GRM7: variants seen among roughly 807,000 people sequenced by gnomAD.
GRM7 encodes glutamate metabotropic receptor 7.
GRM7 carries 35 observed loss-of-function variants against 84.5 expected under a neutral mutation model. The observed-to-expected ratio is 0.41, with a 90% confidence interval of 0.32 to 0.55. The LOEUF (loss-of-function observed/expected upper bound fraction) is 0.55. Ranked by LOEUF, GRM7 falls within the 20% of genes least tolerant of loss-of-function variation. The pLI is 0.19. For missense variants in GRM7, 1,003 were observed against 1,194.6 expected (o/e 0.84, Z 2.36); for synonymous variants, 487 against 455.1 (o/e 1.07, Z -0.89).
intron 4 of GRM7, among the ~76,000 whole-genome samples, chr3:7,412,092 G>T (rs1422170670): frequency 6.9e-6 from 1 of 145,072 alleles, no homozygotes; most frequent in African/African-American, 2.6e-5. Flanking sequence ...TTTATTAATT[G>T]CTTCATTCAC....
chr3:7,399,426 T>A (rs1200604996), intron 4 of GRM7, among the ~76,000 whole-genome samples: 1 of 152,132 alleles, frequency 6.6e-6, no homozygotes, highest in East Asian at 1.9e-4. Context: ...GCCCAGGCTC[T>A]GGAGCCAAAG....
chr3:6,924,382 G>T (rs1001851680), intron 1 of GRM7, among the ~76,000 whole-genome samples: 2 of 152,122 alleles, frequency 1.3e-5, no homozygotes, highest in Non-Finnish European at 2.9e-5. Context: ...AATTTCAGTA[G>T]TTCTTAACTT....
chr3:6,886,845 A>G (rs1337318719), intron 1 of GRM7, among the ~76,000 whole-genome samples: 3 of 151,994 alleles, frequency 2.0e-5, no homozygotes, highest in South Asian at 2.1e-4. Flanking sequence ...CTTTGTATAT[A>G]TAATTCATTT....
chr3:7,308,191 C>T (rs141983922), intron 4 of GRM7, among the ~76,000 whole-genome samples: 2 of 152,150 alleles, frequency 1.3e-5, no homozygotes, highest in Non-Finnish European at 2.9e-5. Context: ...TGGGGAGACC[C>T]TTTCCTCTTC....
intron 9 of GRM7, among the ~76,000 whole-genome samples, chr3:7,724,505 T>C (rs907059323): frequency 1.1e-4 from 16 of 152,178 alleles, no homozygotes; most frequent in African/African-American, 3.4e-4. Context: ...ATTAGGTAAC[T>C]AGAAGAACTG....
chr3:7,671,890 T>G (rs929707088), intron 8 of GRM7, among the ~76,000 whole-genome samples: 1 of 152,152 alleles, frequency 6.6e-6, no homozygotes, highest in African/African-American at 2.4e-5. Context: ...GGTAGGAGTT[T>G]ATATCAGACA....
At chr3:7,363,773 C>G (rs537503836) in intron 4 of GRM7, among the ~76,000 whole-genome samples, 1 of 152,012 alleles carries the variant, frequency 6.6e-6, no homozygotes, top group Non-Finnish European at 1.5e-5. Flanking sequence ...AAGAGCTCCT[C>G]GAATTCTACA....
intron 9 of GRM7, among the ~76,000 whole-genome samples, chr3:7,690,300 T>C (rs559213295): frequency 2.6e-4 from 40 of 152,028 alleles, no homozygotes; most frequent in Non-Finnish European, 5.3e-4. Context: ...TTGGAATGAG[T>C]AGCGCACAAT....
At chr3:7,148,193 G>C (rs576569501) in intron 2 of GRM7, among the ~76,000 whole-genome samples, 1 of 152,234 alleles carries the variant, frequency 6.6e-6, no homozygotes, top group Admixed American at 6.6e-5. Flanking sequence ...AATCATTTTT[G>C]ATGACTATGT....
intron 1 of GRM7, among the ~76,000 whole-genome samples, chr3:6,992,532 T>C (rs1289736597): frequency 6.6e-6 from 1 of 152,144 alleles, no homozygotes; most frequent in Non-Finnish European, 1.5e-5. Context: ...AAAGGAACTA[T>C]TTACAGAGCT....
chr3:6,965,523 G>A (rs1370301114), intron 1 of GRM7, among the ~76,000 whole-genome samples: 2 of 151,586 alleles, frequency 1.3e-5, no homozygotes, highest in Admixed American at 6.6e-5. Flanking sequence ...TTGTAGAGAT[G>A]GGGGTCTCAC....
chr3:7,363,746 C>T (rs1693764738), intron 4 of GRM7, among the ~76,000 whole-genome samples: 1 of 152,100 alleles, frequency 6.6e-6, no homozygotes, highest in Non-Finnish European at 1.5e-5. Flanking sequence ...AAATGATTCA[C>T]TCCACCGGCA....
chr3:7,076,816 T>G (rs1698098490), intron 1 of GRM7, among the ~76,000 whole-genome samples: 1 of 152,082 alleles, frequency 6.6e-6, no homozygotes, highest in Non-Finnish European at 1.5e-5. Flanking sequence ...GGGAGAAAAT[T>G]ATTGCAATCT....
At chr3:7,391,538 A>G (rs1218522932) in intron 4 of GRM7, among the ~76,000 whole-genome samples, 4 of 152,064 alleles carry the variant, frequency 2.6e-5, no homozygotes, top group Admixed American at 1.3e-4. Context: ...GGTGGAGAAC[A>G]TCACACACCG....
At chr3:7,012,949 A>T (rs988492145) in intron 1 of GRM7, among the ~76,000 whole-genome samples, 1 of 152,136 alleles carries the variant, frequency 6.6e-6, no homozygotes, top group African/African-American at 2.4e-5. Context: ...TATGTTGTCC[A>T]GGCTGGTCTC....
At chr3:7,492,672 T>C (rs1389898692) in intron 7 of GRM7, among the ~76,000 whole-genome samples, 1 of 152,138 alleles carries the variant, frequency 6.6e-6, no homozygotes, top group Non-Finnish European at 1.5e-5. Flanking sequence ...TCTTTTTTCC[T>C]ATAGATCTTT....
At chr3:7,689,326 C>T (rs997076100) in intron 9 of GRM7, among the ~76,000 whole-genome samples, 8 of 152,108 alleles carry the variant, frequency 5.3e-5, no homozygotes, top group African/African-American at 1.4e-4. Flanking sequence ...TGCAAGTTTT[C>T]GTATCATGTT....
At chr3:7,040,539 G>A (rs961899423) in intron 1 of GRM7, among the ~76,000 whole-genome samples, 1 of 151,814 alleles carries the variant, frequency 6.6e-6, no homozygotes, top group Admixed American at 6.6e-5. Context: ...TCCTGACCTG[G>A]TGATCTGTCC....
chr3:7,008,643 GTCTC>G (rs1446604909), intron 1 of GRM7, among the ~76,000 whole-genome samples: 2 of 152,160 alleles, frequency 1.3e-5, no homozygotes, highest in Admixed American at 6.5e-5. Context: ...ATGATTTTGT[GTCTC>G]TCTCAAATTC....
Sources: allele counts gnomAD v4.1 joint callset (sites outside exome capture counted in the v4.1 genomes callset), GRCh38; gene constraint gnomAD v4.1.1; transcripts MANE v1.5; gene names NCBI Gene and HGNC (gene_info 2026-07-23, HGNC 2026-07-21).